Variants in ATP1A4 observed in about 807,000 individuals in gnomAD.
ATP1A4 encodes the protein ATPase Na+/K+ transporting subunit alpha 4.
ATP1A4 carries 90 observed loss-of-function variants against 114.3 expected under a neutral mutation model. That is an observed-to-expected ratio of 0.79 (90% CI 0.66 to 0.94). The LOEUF (loss-of-function observed/expected upper bound fraction) is 0.94. Ranked by LOEUF, ATP1A4 falls within the 40% of genes least tolerant of loss-of-function variation. The pLI, the probability that ATP1A4 is intolerant of heterozygous loss-of-function variation, is 0.00. For synonymous variants in ATP1A4, 511 were observed against 494.1 expected (o/e 1.03, Z -0.45); for missense variants, 1,222 against 1,313.6 (o/e 0.93, Z 1.08).
chr1:160,166,930 C>T, intron 8 of ATP1A4, 38 bp from the exon 9 acceptor site: 2 of 1,599,458 alleles, frequency 1.3e-6, no homozygotes, highest in Non-Finnish European at 1.7e-6. Context: ...TTAAAATTCT[C>T]ATTCCCTGCT....
At chr1:160,157,445 C>T (rs10908763) in intron 4 of ATP1A4, among the ~76,000 whole-genome samples, 61,780 of 151,980 alleles carry the variant, frequency 0.41, 13,173 homozygotes, top group South Asian at 0.47. Context: ...AGGTATTTGA[C>T]TTTCTGTTCC....
intron 15 of ATP1A4, 77 bp downstream of exon 15, chr1:160,174,824 G>C: frequency 6.3e-7 from 1 of 1,583,666 alleles, no homozygotes; most frequent in Non-Finnish European, 8.6e-7. Context: ...CCCTCTTTCC[G>C]TTTTCCCATC....
At chr1:160,159,377 C>T (rs373739839) in intron 5 of ATP1A4, 32 bp from the exon 6 acceptor site, 316 of 1,559,324 alleles carry the variant, frequency 2.0e-4, no homozygotes, top group Middle Eastern at 5.1e-4. Context: ...TTCCTATGCT[C>T]ACCTTACAAC....
intron 6 of ATP1A4, among the ~76,000 whole-genome samples, chr1:160,163,389 A>C (rs1453246682): frequency 6.6e-6 from 1 of 152,170 alleles, no homozygotes; most frequent in Non-Finnish European, 1.5e-5. Context: ...CCCCAGTCAC[A>C]AGTCCTAGGT....
At position 160,167,033 on chromosome 1, in the gene ATP1A4, C is replaced by T. The variant is rs750508892; in HGVS notation, c.1312C>T (p.Arg438Trp). The T allele has an allele frequency of 2.5e-5, 40 of 1,614,148 alleles. No homozygotes were observed. The highest frequency in any genetic ancestry group is 1.7e-4 in the Middle Eastern group (1 of 6,060). Residue 438 changes from arginine (R) to tryptophan (W), a missense_variant, in exon 9 of 22, where the codon CGG (arginine) becomes TGG (tryptophan). Arg to Trp is a moderately radical substitution (Grantham distance 101). Coordinates refer to ENST00000368081, the MANE Select transcript of ATP1A4 (RefSeq NM_144699.4). ...GGCCCGAATCGCTGGCCTCTGCAAC[C>T]GGGCTGACTTTAAGGCTAATCAGGA... ...MLARIAGLCNRADFKANQEIL... is the reference protein window; with the variant it reads ...MLARIAGLCNWADFKANQEIL...
At chr1:160,181,555 CAAAAAA>C in intron 18 of ATP1A4, 123 bp from the exon 19 acceptor site, 19 of 817,062 alleles carry the variant, frequency 2.3e-5, no homozygotes, top group Admixed American at 3.6e-5. Context: ...GACTTAGTCT[CAAAAAA>C]AAAAAAAAAA....
At chr1:160,169,115 C>T (rs563314959) in intron 10 of ATP1A4, among the ~76,000 whole-genome samples, 1 of 152,354 alleles carries the variant, frequency 6.6e-6, no homozygotes, top group South Asian at 2.1e-4. Flanking sequence ...GACAGGCTGT[C>T]CCACTGGCCG....
At position 160,151,877 on chromosome 1, in the gene ATP1A4, C is replaced by A; in HGVS notation, c.-164C>A. 2.7e-6 allele frequency: 2 copies of A among 738,096 alleles called. No homozygotes were observed. Among genetic ancestry groups the A allele is most frequent in the Non-Finnish European group, 4.3e-6 (2 of 470,440 alleles). 45.7% of individuals were successfully genotyped at this position (738,096 alleles called of 1,614,324 possible). ...CCCTTCCTCTCTCTCACCTTCACCA[C>A]CCAACACCTCCCTCCCTGCCTCTTT... On this transcript the variant is annotated 5_prime_UTR_variant, in exon 1 of 22. Coordinates refer to ENST00000368081, the MANE Select transcript of ATP1A4 (RefSeq NM_144699.4).
At position 160,158,923 on chromosome 1, in the gene ATP1A4, A is replaced by G. The variant is rs73025526; in HGVS notation, c.526-79A>G. 7.3e-3 allele frequency: 10,891 copies of G among 1,490,114 alleles called. 652 individuals are homozygous for G. The African/African-American group carries it at 0.13, about 18-fold the overall frequency. 92.3% of individuals were successfully genotyped at this position (1,490,114 alleles called of 1,614,324 possible). A position where few individuals can be genotyped will look rare whatever the true frequency, so the allele number is the denominator to read the frequency against. On this transcript the variant is annotated intron_variant, in intron 4 of 21. Coordinates refer to ENST00000368081, the MANE Select transcript of ATP1A4 (RefSeq NM_144699.4). ...AGGGGAGTAAGGAGGAGGGAGACCA[A>G]TAACAGAAGGTTTTAGGCTAAGAGT...
At chr1:160,167,205 A>G (rs200322876) in intron 9 of ATP1A4, 73 bp from the exon 10 acceptor site, 24 of 1,551,934 alleles carry the variant, frequency 1.5e-5, no homozygotes, top group Middle Eastern at 1.9e-4. Context: ...TCCCCTCTCC[A>G]TGTTGCCACA....
At chr1:160,157,222 C>T (rs1652703416) in intron 4 of ATP1A4, among the ~76,000 whole-genome samples, 1 of 134,338 alleles carries the variant, frequency 7.4e-6, no homozygotes, top group Admixed American at 7.3e-5. Context: ...GATACATGTG[C>T]AGGTTTGTTA....
At chr1:160,186,570 C>T in intron 21 of ATP1A4, 101 bp from the exon 22 acceptor site, 1 of 1,387,602 alleles carries the variant, frequency 7.2e-7, no homozygotes, top group African/African-American at 1.4e-5. Context: ...GTGTTCCAGA[C>T]CTCCCACCTC....
chr1:160,155,980 G>T, intron 3 of ATP1A4, 65 bp from the exon 4 acceptor site: 1 of 998,186 alleles, frequency 1.0e-6, no homozygotes, highest in Non-Finnish European at 1.6e-6. Flanking sequence ...CTTGCAGACT[G>T]ATTTTCTGAG....
intron 4 of ATP1A4, 36 bp downstream of exon 4, chr1:160,156,194 A>G (rs1283383609): frequency 1.4e-6 from 2 of 1,410,514 alleles, no homozygotes; most frequent in Non-Finnish European, 2.0e-6. Flanking sequence ...TGGGAGCAGG[A>G]GCAGGATGTG....
In ATP1A4 at chr1:160,181,728, C is replaced by G; in HGVS notation, c.2781C>G (p.Ala927=). The part of the protein sequence containing the change: ...RKVVEFTCQT[A]FFVTIVVVQW... ...TTGTGGAGTTCACATGCCAAACGGC[C>G]TTTTTTGTCACCATCGTGGTTGTGC... is the stretch of plus-strand genomic sequence containing the variant. The change falls in exon 19 of 22, where the codon GCC becomes GCG. Residue 927 remains alanine, a synonymous_variant. Coordinates refer to ENST00000368081, the MANE Select transcript of ATP1A4 (RefSeq NM_144699.4). 1 of 1,614,072 alleles carries G rather than the reference C, an allele frequency of 6.2e-7. No homozygotes were observed. The highest frequency in any genetic ancestry group is 8.5e-7 in the Non-Finnish European group (1 of 1,180,010).
At chr1:160,155,777 C>T (rs1193599562) in intron 3 of ATP1A4, among the ~76,000 whole-genome samples, 2 of 152,190 alleles carry the variant, frequency 1.3e-5, no homozygotes, top group Non-Finnish European at 2.9e-5. Flanking sequence ...CCACCCCCTC[C>T]ATCCAGAGAT....
rs775361131 is a variant in ATP1A4 at position 160,165,530 on chromosome 1, T to C, written c.1048-998T>C. 7.1e-4 allele frequency among the ~76,000 whole-genome samples: 107 copies of C among 150,650 alleles called. 2 individuals are homozygous for C. Among genetic ancestry groups the C allele is most frequent in the South Asian group, 8.4e-4 (4 of 4,740 alleles). On this transcript the variant is annotated intron_variant, in intron 7 of 21. Coordinates refer to ENST00000368081, the MANE Select transcript of ATP1A4 (RefSeq NM_144699.4). ...ATCCCAGCACTTTGGGAGGCCAAGGTGGGCGGATCACGAGGTCAGGAGATC... is the reference window on the plus strand; with the variant it reads ...ATCCCAGCACTTTGGGAGGCCAAGGCGGGCGGATCACGAGGTCAGGAGATC...
chr1:160,159,150 G>A lies in ATP1A4; in HGVS notation c.660+14G>A, dbSNP rs1224591698. 3.6e-5 allele frequency: 58 copies of A among 1,611,794 alleles called. No homozygotes were observed. The Middle Eastern group carries it at 5.0e-4, about 14-fold the overall frequency. On this transcript the variant is annotated intron_variant, in intron 5 of 21. Coordinates refer to ENST00000368081, the MANE Select transcript of ATP1A4 (RefSeq NM_144699.4). ...CAAGGATGTAAGGTGAGGGGATGCC[G>A]AAAGCTATGTGAGGGACCCAAGCGT...
intron 20 of ATP1A4, among the ~76,000 whole-genome samples, chr1:160,184,111 C>A (rs910827678): frequency 6.6e-6 from 1 of 152,130 alleles, no homozygotes; most frequent in Non-Finnish European, 1.5e-5. Context: ...CGTCACCACA[C>A]CCAGCTAATT....
Sources: gnomAD v4.1 joint callset for allele counts (sites outside exome capture counted in the v4.1 genomes callset) on GRCh38, gnomAD v4.1.1 for gene constraint, MANE v1.5 for transcripts, NCBI Gene and HGNC (gene_info 2026-07-23, HGNC 2026-07-21) for gene names.